LIN9: variants seen among roughly 807,000 people sequenced by gnomAD.
The protein encoded by LIN9 is lin-9 DREAM MuvB core complex component.
LIN9 carries 18 observed loss-of-function variants against 78.0 expected under a neutral mutation model. That is an observed-to-expected ratio of 0.23 (90% CI 0.16 to 0.34). The LOEUF (loss-of-function observed/expected upper bound fraction) is 0.34, where lower values mean the gene tolerates loss of function less well. Ranked by LOEUF, LIN9 falls within the 10% of genes least tolerant of loss-of-function variation. The probability of loss-of-function intolerance (pLI) is 1.00; values close to 1 mark genes in which losing one functional copy is unlikely to be tolerated. For missense variants in LIN9, 451 were observed against 644.1 expected, an observed-to-expected ratio of 0.70 and a Z score of 3.25; for synonymous variants, 192 against 215.2, an observed-to-expected ratio of 0.89 and a Z score of 0.94.
At chr1:226,263,492 A>G (rs985190192) in intron 10 of LIN9, among the ~76,000 whole-genome samples, 10 of 152,186 alleles carry the variant, frequency 6.6e-5, no homozygotes, top group African/African-American at 2.2e-4. Context: ...GATCGATAAA[A>G]ATATCACATA....
chr1:226,251,028 GT>G (rs1283256168), intron 10 of LIN9, 109 bp from the exon 11 acceptor site: 6 of 588,838 alleles, frequency 1.0e-5, no homozygotes, highest in African/African-American at 9.5e-5. Context: ...AGATTTTAGT[GT>G]TTCAACATAT....
At chr1:226,257,950 G>A (rs61836906) in intron 10 of LIN9, among the ~76,000 whole-genome samples, 18,613 of 152,086 alleles carry the variant, frequency 0.12, 1,469 homozygotes, top group East Asian at 0.3. Flanking sequence ...TTGGGAGGCC[G>A]AGGTGGGTCC....
intron 1 of LIN9, among the ~76,000 whole-genome samples, chr1:226,305,239 G>T (rs1269247672): frequency 1.3e-5 from 2 of 149,570 alleles, no homozygotes; most frequent in Non-Finnish European, 3.0e-5. Context: ...GAAGGCTAAG[G>T]CAGGAGCATC....
chr1:226,233,589 T>C lies in LIN9; in HGVS notation c.1246-66A>G. 7 of 1,217,508 alleles carry C rather than the reference T, an allele frequency of 5.7e-6. No homozygotes were observed. The South Asian group carries it at 1.6e-4, about 27-fold the overall frequency. 75.4% of individuals were successfully genotyped at this position (1,217,508 alleles called of 1,614,324 possible). A position where few individuals can be genotyped will look rare whatever the true frequency, so the allele number is the denominator to read the frequency against. On this transcript the variant is annotated intron_variant, in intron 12 of 14. Coordinates refer to ENST00000681046, the MANE Select transcript of LIN9 (RefSeq NM_001366245.2). ...AGCCATGATTATTTCTGTATGTGTT[T>C]GTGCCCTCTTTTCAGATTTTAATTT...
At chr1:226,303,661 G>A (rs887137821) in intron 1 of LIN9, among the ~76,000 whole-genome samples, 24 of 151,590 alleles carry the variant, frequency 1.6e-4, no homozygotes, top group African/African-American at 4.9e-4. Flanking sequence ...GTTGGAGTGC[G>A]GTGGCGCAAT....
intron 7 of LIN9, among the ~76,000 whole-genome samples, chr1:226,275,454 G>C (rs1037142143): frequency 6.6e-6 from 1 of 152,118 alleles, no homozygotes; most frequent in Non-Finnish European, 1.5e-5. Context: ...CCAGCACTTT[G>C]GGAGGCCGAG....
upstream of LIN9, chr1:226,309,331 G>T (rs1008210161): frequency 2.0e-6 from 2 of 997,648 alleles, no homozygotes; most frequent in African/African-American, 3.5e-5. Flanking sequence ...GCCGCCGAAG[G>T]GGGGCCGCGC....
rs140780882 is a variant in LIN9, at chr1:226,287,220, CAT to C, written c.398+442_398+443del. 1.1e-3 allele frequency among the ~76,000 whole-genome samples: 164 copies of C among 152,330 alleles called. 1 individual carries two copies. The East Asian group carries it at 0.024, about 22-fold the overall frequency. The stretch of plus-strand genomic sequence containing the variant: ...AATCTCATACTACGTCATACTTAAG[CAT>C]ATGTGTATACCTAGCGTGCTTAAGT... On this transcript the variant is annotated intron_variant, in intron 5 of 14. Transcript: ENST00000681046.
chr1:226,243,709 A>G (rs1658265634), intron 11 of LIN9, among the ~76,000 whole-genome samples: 1 of 150,864 alleles, frequency 6.6e-6, no homozygotes, highest in Admixed American at 6.6e-5. Flanking sequence ...AAAAAAAAAA[A>G]AAAAAAAAGG....
chr1:226,293,551 C>A (rs571437762), intron 4 of LIN9, among the ~76,000 whole-genome samples: 2 of 152,320 alleles, frequency 1.3e-5, no homozygotes, highest in Admixed American at 1.3e-4. Flanking sequence ...TTAGTTTCAA[C>A]AAGATCAAAC....
At chr1:226,286,554 C>A in intron 5 of LIN9, 96 bp from the exon 6 acceptor site, 1 of 830,032 alleles carries the variant, frequency 1.2e-6, no homozygotes, top group East Asian at 2.7e-5. Context: ...ACTTCTACCC[C>A]ATATATATAT....
Position 226,309,119 on chromosome 1 carries a change from C to A in LIN9, c.21G>T (p.Leu7Phe), listed in dbSNP as rs200253990. 151 of 1,340,102 alleles carry A rather than the reference C, an allele frequency of 1.1e-4. No homozygotes were observed. Among genetic ancestry groups the A allele is most frequent in the Non-Finnish European group, 1.4e-4 (147 of 1,033,354 alleles). The allele number at this position is 1,340,102 out of a possible 1,614,324, so 83.0% of individuals were successfully genotyped here. A position where few individuals can be genotyped will look rare whatever the true frequency, so the allele number is the denominator to read the frequency against. Residue 7 changes from leucine to phenylalanine, a missense_variant, in exon 1 of 15, where the codon TTG (leucine) becomes TTT (phenylalanine). Physicochemically the swap from Leu to Phe is conservative, Grantham distance 22. Transcript: ENST00000681046. ...TGAGGTGCTACTCACTCTCGTCAGG[C>A]AACTGGTCGAGCTCCGCCATCTTGA... Reference protein sequence around the residue: MAELDQLPDESSSAKAL... With the variant: MAELDQFPDESSSAKAL...
intron 4 of LIN9, among the ~76,000 whole-genome samples, chr1:226,295,215 C>T (rs561476540): frequency 3.3e-5 from 5 of 151,590 alleles, no homozygotes; most frequent in East Asian, 2.0e-4. Flanking sequence ...TTTGGGAGGC[C>T]GAGGCGGGTA....
chr1:226,282,350 T>C (rs1661120094), intron 6 of LIN9, among the ~76,000 whole-genome samples: 1 of 152,228 alleles, frequency 6.6e-6, no homozygotes, highest in Non-Finnish European at 1.5e-5. Context: ...TGTACATTCT[T>C]GAAAGTGCTA....
At chr1:226,250,629 G>A (rs1006149962) in intron 11 of LIN9, among the ~76,000 whole-genome samples, 1 of 152,142 alleles carries the variant, frequency 6.6e-6, no homozygotes, top group African/African-American at 2.4e-5. Context: ...ATAGCTCACT[G>A]CAGTCTCTGA....
chr1:226,290,643 G>A lies in LIN9; in HGVS notation c.265-2846C>T, dbSNP rs549831670. Among the ~76,000 whole-genome samples, 63 of 152,042 alleles carry A rather than the reference G, an allele frequency of 4.1e-4. No individual in the cohort carries two copies. The South Asian group carries it at 0.012, about 30-fold the overall frequency. On this transcript the variant is annotated intron_variant, in intron 4 of 14. Coordinates refer to ENST00000681046, the MANE Select transcript of LIN9 (RefSeq NM_001366245.2). ...GCGTAAGCCACCGCACCCGGCCAAG[G>A]CTATTTCTATATATCAGATTAGCAA... is the stretch of plus-strand genomic sequence containing the variant.
At position 226,232,340 on chromosome 1, in the gene LIN9, G is replaced by A; in HGVS notation, c.*161C>T. ...AATAAATATAATGCTGGTCAGCAAT[G>A]CTGGTTTAAGAAGCAGTACAGTCTA... On this transcript the variant is annotated 3_prime_UTR_variant, in exon 15 of 15. Transcript: ENST00000681046. The A allele has an allele frequency of 2.3e-6, 1 of 431,668 alleles. No homozygotes were observed. Among genetic ancestry groups the A allele is most frequent in the South Asian group, 8.5e-5 (1 of 11,774 alleles). 26.7% of individuals were successfully genotyped at this position (431,668 alleles called of 1,614,324 possible).
At chr1:226,243,481 G>C (rs1658245168) in intron 11 of LIN9, among the ~76,000 whole-genome samples, 1 of 152,100 alleles carries the variant, frequency 6.6e-6, no homozygotes, top group African/African-American at 2.4e-5. Flanking sequence ...GATCACTTGA[G>C]GTCAGGAGTT....
At chr1:226,285,382 TTGA>T (rs1172077202) in intron 6 of LIN9, among the ~76,000 whole-genome samples, 2 of 152,204 alleles carry the variant, frequency 1.3e-5, no homozygotes, top group South Asian at 2.1e-4. Context: ...CAAGGTCATC[TTGA>T]TGACAGTTTA....
Sources: allele counts gnomAD v4.1 joint callset (sites outside exome capture counted in the v4.1 genomes callset), GRCh38; gene constraint gnomAD v4.1.1; transcripts MANE v1.5; gene names NCBI Gene and HGNC (gene_info 2026-07-23, HGNC 2026-07-21).